LRRC8A: variants seen among roughly 807,000 people sequenced by gnomAD.
The protein encoded by LRRC8A is leucine rich repeat containing 8 VRAC subunit A.
LRRC8A carries 24 observed loss-of-function variants against 52.5 expected under a neutral mutation model. That is an observed-to-expected ratio of 0.46 (90% CI 0.33 to 0.64). The LOEUF (loss-of-function observed/expected upper bound fraction) is 0.64. LRRC8A is among the 30% of genes least tolerant of loss of function. LRRC8A has a pLI of 0.02. For synonymous variants in LRRC8A, 492 were observed against 494.2 expected, an observed-to-expected ratio of 1.00 and a Z score of 0.06; for missense variants, 677 against 1,094.7, an observed-to-expected ratio of 0.62 and a Z score of 5.38.
At chr9:128,897,363 C>T (rs1839856696) in intron 2 of LRRC8A, among the ~76,000 whole-genome samples, 1 of 150,954 alleles carries the variant, frequency 6.6e-6, no homozygotes, top group East Asian at 2.0e-4. Context: ...CAGGTGCCTC[C>T]ACCACACCTG....
chr9:128,890,254 A>G (rs1161092243), intron 2 of LRRC8A, among the ~76,000 whole-genome samples: 2 of 151,096 alleles, frequency 1.3e-5, no homozygotes, highest in African/African-American at 2.4e-5. Context: ...CCCAGCCACA[A>G]ATGTTCCCTG....
At chr9:128,909,632 C>T (rs1200701678) in intron 3 of LRRC8A, among the ~76,000 whole-genome samples, 2 of 152,214 alleles carry the variant, frequency 1.3e-5, no homozygotes, top group Non-Finnish European at 2.9e-5. Flanking sequence ...GACCTTGAGC[C>T]GGGTTCCTCT....
chr9:128,913,701 C>G (rs952798742), intron 3 of LRRC8A, among the ~76,000 whole-genome samples: 1 of 152,176 alleles, frequency 6.6e-6, no homozygotes, highest in Admixed American at 6.5e-5. Flanking sequence ...TGTCCCTGAC[C>G]ACTGCATGTG....
At position 128,908,248 on chromosome 9, in the gene LRRC8A, T is replaced by TA; in HGVS notation, c.1085dup (p.Tyr362Ter). 6.2e-7 allele frequency: 1 copy of TA among 1,614,122 alleles called. No homozygotes were observed. Among genetic ancestry groups the TA allele is most frequent in the Non-Finnish European group, 8.5e-7 (1 of 1,180,040 alleles). Residue 362 changes from tyrosine (Y) to a stop codon, truncating the protein, a stop_gained and frameshift_variant, in exon 3 of 4, where the codon TAC becomes TAAC. Transcript: ENST00000372600. LOFTEE classifies it high-confidence loss of function. ...SFESIREESS[Y>*]SDIPDVKNDF... The stretch of plus-strand genomic sequence containing the variant: ...TGAGTCGATCCGTGAGGAGAGCAGC[T>TA]ACAGCGACATCCCCGACGTCAAGAA...
intron 2 of LRRC8A, among the ~76,000 whole-genome samples, chr9:128,904,282 G>A (rs1434325740): frequency 1.3e-5 from 2 of 152,114 alleles, no homozygotes; most frequent in Admixed American, 6.5e-5. Flanking sequence ...ACTGTGGGAG[G>A]CCGTGGCAGG....
chr9:128,898,106 T>A (rs1188514758), intron 2 of LRRC8A, among the ~76,000 whole-genome samples: 1 of 151,492 alleles, frequency 6.6e-6, no homozygotes, highest in Non-Finnish European at 1.5e-5. Context: ...GCAGAGGGGT[T>A]ATGTACTTTT....
intron 2 of LRRC8A, among the ~76,000 whole-genome samples, chr9:128,893,209 C>T (rs1021744768): frequency 1.3e-5 from 2 of 151,980 alleles, no homozygotes; most frequent in East Asian, 1.9e-4. Context: ...CGAGGTTCTG[C>T]GAGTCCTGGG....
intron 1 of LRRC8A, chr9:128,885,517 T>C (rs1564517019): frequency 2.0e-5 from 3 of 152,258 alleles, no homozygotes; most frequent in Admixed American, 6.5e-5. Flanking sequence ...GTGCTTCTCC[T>C]GGCTCCCCCG....
chr9:128,912,799 C>G (rs1588230095), intron 3 of LRRC8A: 1 of 152,458 alleles, frequency 6.6e-6, no homozygotes, highest in South Asian at 2.1e-4. Context: ...GCCACGGGGC[C>G]TGGCGTGGCC....
chr9:128,889,475 GTT>G (rs557733910), intron 2 of LRRC8A, among the ~76,000 whole-genome samples: 2 of 143,606 alleles, frequency 1.4e-5, no homozygotes, highest in Non-Finnish European at 1.5e-5. Flanking sequence ...GACTGGACAG[GTT>G]TTTTTTTTTT....
At chr9:128,910,915 A>G (rs905711460) in intron 3 of LRRC8A, among the ~76,000 whole-genome samples, 1 of 152,156 alleles carries the variant, frequency 6.6e-6, no homozygotes, top group Non-Finnish European at 1.5e-5. Context: ...TGCATCTGCC[A>G]TGCAGCAGCC....
chr9:128,911,457 A>C lies in LRRC8A; in HGVS notation c.2157+2136A>C, dbSNP rs1450625408. 1.3e-5 allele frequency among the ~76,000 whole-genome samples: 2 copies of C among 152,192 alleles called. No individual in the cohort carries two copies. The highest frequency in any genetic ancestry group is 2.9e-5 in the Non-Finnish European group (2 of 68,030). ...AAGCCACATTTGGGAAGCACAGAAC[A>C]AACCCAGCCCTTCTTTAATCTGTGG... On this transcript the variant is annotated intron_variant, in intron 3 of 3. Coordinates refer to ENST00000372600, the MANE Select transcript of LRRC8A (RefSeq NM_019594.4). This position sits in a 1 kb window ranked among gnomAD's most constrained non-coding sequence, Gnocchi z 4.9.
rs1840360610 is a variant in LRRC8A at position 128,908,649 on chromosome 9, G to A, written c.1485G>A (p.Leu495=). 6.2e-7 allele frequency: 1 copy of A among 1,612,688 alleles called. No homozygotes were observed. Among genetic ancestry groups the A allele is most frequent in the Admixed American group, 1.7e-5 (1 of 60,000 alleles). The change falls in exon 3 of 4, where the codon CTG becomes CTA. Residue 495 remains leucine (L), a synonymous_variant. Transcript: ENST00000372600. ...CGCTGGCCTTCCTGCGTGAGAACCT[G>A]CGGGCGCTGCACATCAAGTTCACCG... The part of the protein sequence containing the change: ...APALAFLREN[L]RALHIKFTDI...
chr9:128,887,738 T>G (rs1321957723), intron 2 of LRRC8A, among the ~76,000 whole-genome samples: 1 of 151,568 alleles, frequency 6.6e-6, no homozygotes, highest in Non-Finnish European at 1.5e-5. Flanking sequence ...GCCTCCCGGG[T>G]TCACTCCATT....
chr9:128,898,101 G>A (rs1259978926), intron 2 of LRRC8A, among the ~76,000 whole-genome samples: 2 of 150,244 alleles, frequency 1.3e-5, no homozygotes, highest in Non-Finnish European at 3.0e-5. Flanking sequence ...TTATGGCAGA[G>A]GGGTTATGTA....
At chr9:128,904,093 G>A (rs1412122029) in intron 2 of LRRC8A, among the ~76,000 whole-genome samples, 1 of 151,962 alleles carries the variant, frequency 6.6e-6, no homozygotes, top group Admixed American at 6.6e-5. Flanking sequence ...AAAGAAAGGT[G>A]GCCCATCATC....
chr9:128,908,779 G>A lies in LRRC8A; in HGVS notation c.1615G>A (p.Gly539Arg), dbSNP rs1014078023. ...GAACAACCGCTACATCGTCATCGAC[G>A]GGCTGCGGGAGCTCAAACGCCTCAA... ...AENNRYIVID[G>R]LRELKRLKVL... The change falls in exon 3 of 4, where the codon GGG (glycine) becomes AGG (arginine). Residue 539 changes from glycine (G) to arginine (R), a missense_variant. Coordinates refer to ENST00000372600, the MANE Select transcript of LRRC8A (RefSeq NM_019594.4). The A allele has an allele frequency of 5.6e-6, 9 of 1,613,368 alleles. No homozygotes were observed. The highest frequency in any genetic ancestry group is 2.2e-5 in the East Asian group (1 of 44,886).
In LRRC8A at chr9:128,908,688, C is replaced by T. The variant is rs113417850; in HGVS notation, c.1524C>T (p.Ile508=). The T allele has an allele frequency of 5.3e-5, 85 of 1,613,008 alleles. No homozygotes were observed. The African/African-American group carries it at 5.3e-4, about 10-fold the overall frequency. Residue 508 remains isoleucine (I), a synonymous_variant, in exon 3 of 4, where the codon ATC becomes ATT. Coordinates refer to ENST00000372600, the MANE Select transcript of LRRC8A (RefSeq NM_019594.4). Reference sequence around the variant, plus strand: ...TCAAGTTCACCGACATCAAGGAGATCCCGCTGTGGATCTATAGCCTGAAGA... The same window carrying T: ...TCAAGTTCACCGACATCAAGGAGATTCCGCTGTGGATCTATAGCCTGAAGA... ...LHIKFTDIKE[I]PLWIYSLKTL...
intron 1 of LRRC8A, among the ~76,000 whole-genome samples, chr9:128,883,135 G>A (rs960413879): frequency 2.0e-5 from 3 of 152,180 alleles, no homozygotes; most frequent in African/African-American, 7.2e-5. Context: ...AGACTTGGCT[G>A]GAAGGGTGGG....
Sources: allele counts gnomAD v4.1 joint callset (sites outside exome capture counted in the v4.1 genomes callset), GRCh38; gene constraint gnomAD v4.1.1; non-coding constraint Gnocchi (gnomAD v3.1); transcripts MANE v1.5; gene names NCBI Gene and HGNC (gene_info 2026-07-23, HGNC 2026-07-21).